SKAP2: variants seen among roughly 807,000 people sequenced by gnomAD.
The protein encoded by SKAP2 is src kinase associated phosphoprotein 2.
SKAP2 carries 28 observed loss-of-function variants against 54.9 expected under a neutral mutation model. That is an observed-to-expected ratio of 0.51 (90% CI 0.38 to 0.70). The LOEUF is 0.70. Among genes scored for constraint, SKAP2 ranks in the 30% least tolerant of loss-of-function variants. The pLI is 0.00. For missense variants in SKAP2, 356 were observed against 424.1 expected (o/e 0.84, Z 1.41); for synonymous variants, 137 against 134.3 (o/e 1.02, Z -0.14).
chr7:26,825,536 A>T lies in SKAP2; in HGVS notation c.307+18494T>A, dbSNP rs75859681. Among the ~76,000 whole-genome samples, 869 of 150,874 alleles carry T rather than the reference A, an allele frequency of 5.8e-3. 10 individuals carry two copies. The highest frequency in any genetic ancestry group is 0.02 in the African/African-American group (823 of 41,036). On this transcript the variant is annotated intron_variant, in intron 4 of 12. Transcript: ENST00000345317. ...TCTAGTTAATCCTCTCTTCTCATAC[A>T]TTGCTAAAAAGAGAAAGAATATAAT...
chr7:26,822,238 T>C (rs1239472805), intron 4 of SKAP2, among the ~76,000 whole-genome samples: 1 of 152,196 alleles, frequency 6.6e-6, no homozygotes, highest in Non-Finnish European at 1.5e-5. Context: ...TTTTTACAAA[T>C]TGCAGGTTTG....
chr7:26,703,236 TA>T (rs545873309), intron 9 of SKAP2, among the ~76,000 whole-genome samples: 147 of 148,694 alleles, frequency 9.9e-4, no homozygotes, highest in Middle Eastern at 3.4e-3. Flanking sequence ...TGATGAGCTT[TA>T]AAAAAAAAAA....
chr7:26,657,735 G>GCCCCCC, the SKAP2 span, among the ~76,000 whole-genome samples: 2 of 45,460 alleles, frequency 4.4e-5, no homozygotes, highest in Non-Finnish European at 6.1e-5. Context: ...AAAAATCCCC[G>GCCCCCC]CCCCCCCCGC....
At chr7:26,706,083 G>C (rs973988812) in intron 9 of SKAP2, among the ~76,000 whole-genome samples, 3 of 151,938 alleles carry the variant, frequency 2.0e-5, no homozygotes, top group Non-Finnish European at 1.5e-5. Context: ...ACCCTATTTG[G>C]TTACCAAAGT....
intron 9 of SKAP2, among the ~76,000 whole-genome samples, chr7:26,713,453 GAC>G (rs1424687781): frequency 1.3e-5 from 2 of 151,994 alleles, no homozygotes; most frequent in African/African-American, 4.8e-5. Flanking sequence ...ATAATAAGAT[GAC>G]ATGAGGAGAA....
At chr7:26,728,571 A>G (rs1562589599) in intron 6 of SKAP2, among the ~76,000 whole-genome samples, 1 of 152,154 alleles carries the variant, frequency 6.6e-6, no homozygotes, top group Non-Finnish European at 1.5e-5. Context: ...TCAAAAAAAG[A>G]CTAAATCATT....
intron 9 of SKAP2, among the ~76,000 whole-genome samples, chr7:26,716,076 T>A (rs1217226134): frequency 6.6e-6 from 1 of 152,232 alleles, no homozygotes; most frequent in Non-Finnish European, 1.5e-5. Flanking sequence ...TGTAGTCAAT[T>A]TCTATGATTA....
chr7:26,677,156 C>T (rs963653223), intron 11 of SKAP2, among the ~76,000 whole-genome samples: 4 of 152,046 alleles, frequency 2.6e-5, no homozygotes, highest in Admixed American at 2.0e-4. Flanking sequence ...TTTGGGAGGC[C>T]GAGGCGGGAG....
At chr7:26,687,275 C>T (rs779129919) in intron 10 of SKAP2, among the ~76,000 whole-genome samples, 1 of 151,234 alleles carries the variant, frequency 6.6e-6, no homozygotes, top group Non-Finnish European at 1.5e-5. Flanking sequence ...GCATCATGAG[C>T]ATTTCATTAA....
chr7:26,745,846 C>T lies in SKAP2; in HGVS notation c.308-5882G>A, dbSNP rs914526792. Among the ~76,000 whole-genome samples, 10 of 149,834 alleles carry T rather than the reference C, an allele frequency of 6.7e-5. 1 individual carries two copies. The Middle Eastern group carries it at 0.01, about 154-fold the overall frequency. ...CCCATTTTTTAAAAAAAGTATTTAC[C>T]CACTTAATGATTGCTTTATATTTGA... On this transcript the variant is annotated intron_variant, in intron 4 of 12. Coordinates refer to ENST00000345317, the MANE Select transcript of SKAP2 (RefSeq NM_003930.5).
At chr7:26,689,681 T>C (rs1430288477) in intron 10 of SKAP2, among the ~76,000 whole-genome samples, 2 of 152,226 alleles carry the variant, frequency 1.3e-5, no homozygotes, top group African/African-American at 2.4e-5. Flanking sequence ...GCAATGAAGA[T>C]ATGCATGGCC....
intron 4 of SKAP2, among the ~76,000 whole-genome samples, chr7:26,829,032 A>T (rs576096163): frequency 1.3e-5 from 2 of 152,322 alleles, no homozygotes; most frequent in South Asian, 4.1e-4. Flanking sequence ...CTGTCTCAAA[A>T]AAATAAATAA....
chr7:26,752,282 G>C (rs1782702529), intron 4 of SKAP2, among the ~76,000 whole-genome samples: 1 of 152,102 alleles, frequency 6.6e-6, no homozygotes, highest in Non-Finnish European at 1.5e-5. Flanking sequence ...CTGGCTCCTG[G>C]TACTGAAATG....
At chr7:26,763,200 G>T (rs1461004812) in intron 4 of SKAP2, among the ~76,000 whole-genome samples, 1 of 151,310 alleles carries the variant, frequency 6.6e-6, no homozygotes, top group Non-Finnish European at 1.5e-5. Context: ...TTAGTTACAT[G>T]GATAAAACCA....
At chr7:26,725,873 T>A (rs1476541394) in intron 8 of SKAP2, 50 bp downstream of exon 8, 1 of 1,436,000 alleles carries the variant, frequency 7.0e-7, no homozygotes, top group Non-Finnish European at 9.7e-7. Flanking sequence ...AACTACTCTG[T>A]TATTTAGTAT....
At chr7:26,670,272 T>C (rs1156232847) in intron 11 of SKAP2, 80 bp from the exon 12 acceptor site, 23 of 696,592 alleles carry the variant, frequency 3.3e-5, no homozygotes, top group Non-Finnish European at 5.2e-5. Context: ...CTTAGAAATG[T>C]TATTTCTATT....
At chr7:26,851,360 T>C (rs1785037876) in intron 3 of SKAP2, among the ~76,000 whole-genome samples, 1 of 151,742 alleles carries the variant, frequency 6.6e-6, no homozygotes, top group Non-Finnish European at 1.5e-5. Flanking sequence ...GGAAGGATCA[T>C]TTGAGCATGG....
intron 5 of SKAP2, among the ~76,000 whole-genome samples, chr7:26,739,269 G>A (rs1361071287): frequency 6.6e-6 from 1 of 152,136 alleles, no homozygotes; most frequent in Non-Finnish European, 1.5e-5. Flanking sequence ...AGAAAGCTAA[G>A]AAAAGCAAAA....
chr7:26,785,391 T>A (rs2127979612), intron 4 of SKAP2, among the ~76,000 whole-genome samples: 1 of 152,254 alleles, frequency 6.6e-6, no homozygotes, highest in South Asian at 2.1e-4. Context: ...TTTCACCATG[T>A]TAGCCAGGAT....
Sources: gnomAD v4.1 joint callset for allele counts (sites outside exome capture counted in the v4.1 genomes callset) on GRCh38, gnomAD v4.1.1 for gene constraint, MANE v1.5 for transcripts, NCBI Gene and HGNC (gene_info 2026-07-23, HGNC 2026-07-21) for gene names.